The following NUP155 variants were observed in gnomAD, a reference collection of about 807,000 sequenced individuals.
NUP155 encodes nucleoporin 155.
A neutral mutation model predicts 180.4 loss-of-function variants in NUP155; 71 were observed. That is an observed-to-expected ratio of 0.39 (90% CI 0.33 to 0.48). NUP155 has a LOEUF of 0.48. Ranked by LOEUF, NUP155 falls within the 20% of genes least tolerant of loss-of-function variation. NUP155 has a pLI of 0.91. For missense variants in NUP155, 1,553 were observed against 1,648.9 expected (o/e 0.94, Z 1.01); for synonymous variants, 582 against 559.5 (o/e 1.04, Z -0.57).
chr5:37,362,931 G>A (rs1179102021), intron 3 of NUP155, among the ~76,000 whole-genome samples: 2 of 152,114 alleles, frequency 1.3e-5, no homozygotes, highest in Non-Finnish European at 2.9e-5. Context: ...TGTTGTTTCT[G>A]AGATGGAGTC....
At chr5:37,327,590 C>G in intron 18 of NUP155, 39 bp downstream of exon 18, 1 of 1,610,264 alleles carries the variant, frequency 6.2e-7, no homozygotes, top group Non-Finnish European at 8.5e-7. Flanking sequence ...CAAGATGGGA[C>G]AAGGTGAGCA....
intron 1 of NUP155, among the ~76,000 whole-genome samples, chr5:37,368,438 GC>G (rs1747748090): frequency 6.6e-6 from 1 of 151,664 alleles, no homozygotes; most frequent in Non-Finnish European, 1.5e-5. Context: ...TTGCCATATT[GC>G]CAAGACTGGT....
At chr5:37,351,020 G>A (rs1277210227) in intron 6 of NUP155, among the ~76,000 whole-genome samples, 170 bp downstream of exon 6, 3 of 152,084 alleles carry the variant, frequency 2.0e-5, no homozygotes, top group Non-Finnish European at 2.9e-5. Flanking sequence ...TCTGAGGGCT[G>A]AGTTTTGTAG....
intron 20 of NUP155, among the ~76,000 whole-genome samples, chr5:37,322,543 T>A (rs564700714): frequency 1.3e-5 from 2 of 152,018 alleles, no homozygotes; most frequent in Non-Finnish European, 2.9e-5. Context: ...CAGTCTCTAC[T>A]AAAAATACAA....
chr5:37,360,551 T>C (rs1356736353), intron 3 of NUP155, among the ~76,000 whole-genome samples: 2 of 148,960 alleles, frequency 1.3e-5, no homozygotes, highest in Non-Finnish European at 3.0e-5. Flanking sequence ...TTTGGGAGGC[T>C]GAGGTGGGCA....
intron 32 of NUP155, among the ~76,000 whole-genome samples, chr5:37,295,230 G>C (rs2150936041): frequency 6.6e-6 from 1 of 152,248 alleles, no homozygotes; most frequent in Non-Finnish European, 1.5e-5. Flanking sequence ...TATTTTTTGG[G>C]TGGAGACGGG....
At chr5:37,340,260 G>A (rs1421850966) in intron 11 of NUP155, among the ~76,000 whole-genome samples, 1 of 151,960 alleles carries the variant, frequency 6.6e-6, no homozygotes, top group African/African-American at 2.4e-5. Flanking sequence ...AGGCAACATG[G>A]CAAAAGCCTA....
chr5:37,309,340 T>C (rs894072525), intron 23 of NUP155, 73 bp from the exon 24 acceptor site: 60 of 1,234,562 alleles, frequency 4.9e-5, no homozygotes, highest in Non-Finnish European at 6.7e-5. Context: ...AACTAAGTTT[T>C]AGTCTATGTC....
At chr5:37,296,249 G>T (rs1742561789) in intron 32 of NUP155, among the ~76,000 whole-genome samples, 2 of 152,204 alleles carry the variant, frequency 1.3e-5, no homozygotes, top group South Asian at 4.1e-4. Context: ...GGAAAGGTGG[G>T]GAAAAGATTG....
chr5:37,297,553 A>AT (rs1417653481), intron 32 of NUP155, among the ~76,000 whole-genome samples: 1 of 147,796 alleles, frequency 6.8e-6, no homozygotes. Flanking sequence ...TAATTTTCCT[A>AT]TTTTTTTGTA....
intron 12 of NUP155, among the ~76,000 whole-genome samples, chr5:37,336,008 C>T (rs1745305891): frequency 6.6e-6 from 1 of 151,952 alleles, no homozygotes. Flanking sequence ...TAACACCTAA[C>T]CAATATAAAA....
chr5:37,333,585 C>T lies in NUP155; in HGVS notation c.1396G>A (p.Glu466Lys). Residue 466 changes from glutamate (E) to lysine (K), a missense_variant, in exon 13 of 35, where the codon GAA becomes AAA. Physicochemically the swap from Glu to Lys is moderately conservative, Grantham distance 56. Coordinates refer to ENST00000231498, the MANE Select transcript of NUP155 (RefSeq NM_153485.3). ...GHSWALSAID[E>K]LKVDKIITPL... ...GTAATTATTTTATCTACTTTCAATT[C>T]ATCTATCGCAGAAAGAGCCCAGGAA... 6.2e-7 allele frequency: 1 copy of T among 1,613,834 alleles called. No homozygotes were observed. The highest frequency in any genetic ancestry group is 8.5e-7 in the Non-Finnish European group (1 of 1,179,780).
Position 37,330,199 on chromosome 5 carries a change from G to C in NUP155, c.1630-67C>G, listed in dbSNP as rs951833558. On this transcript the variant is annotated intron_variant, in intron 14 of 34. Transcript: ENST00000231498. ...TTTTAAAATGATTTGTGTACTGCTA[G>C]ATGCAGTATTAAAGTCTGTATCTAG... 9 of 1,066,686 alleles carry C rather than the reference G, an allele frequency of 8.4e-6. No individual in the cohort carries two copies. In the East Asian group the frequency reaches 1.3e-4, roughly 15 times the overall value. The allele number at this position is 1,066,686 out of a possible 1,614,324, so 66.1% of individuals were successfully genotyped here.
chr5:37,346,411 C>T (rs140812629), intron 9 of NUP155, among the ~76,000 whole-genome samples: 1,556 of 152,302 alleles, frequency 0.01, 74 homozygotes, highest in Admixed American at 0.083. Context: ...GTGGCTCACG[C>T]CTGTAATCCC....
At chr5:37,351,497 G>T in intron 5 of NUP155, 141 bp from the exon 6 acceptor site, 1 of 603,486 alleles carries the variant, frequency 1.7e-6, no homozygotes, top group Non-Finnish European at 2.8e-6. Context: ...ACCCAGGCTG[G>T]GTGCAGTGGC....
At chr5:37,340,974 T>C (rs1745674707) in intron 11 of NUP155, 116 bp downstream of exon 11, 2 of 871,444 alleles carry the variant, frequency 2.3e-6, no homozygotes, top group South Asian at 1.5e-5. Flanking sequence ...CTGACCCTTC[T>C]AGTAGTTCCC....
At chr5:37,347,599 G>A (rs1308354592) in intron 9 of NUP155, among the ~76,000 whole-genome samples, 2 of 151,660 alleles carry the variant, frequency 1.3e-5, no homozygotes, top group Non-Finnish European at 2.9e-5. Flanking sequence ...AGGAGGCTAC[G>A]GCAGGAGAAT....
At chr5:37,340,034 C>T (rs943870585) in intron 11 of NUP155, among the ~76,000 whole-genome samples, 1 of 152,210 alleles carries the variant, frequency 6.6e-6, no homozygotes, top group African/African-American at 2.4e-5. Flanking sequence ...GTTGGGCTTA[C>T]AGGCGTGAGC....
At chr5:37,369,179 G>A (rs550964334) in intron 1 of NUP155, among the ~76,000 whole-genome samples, 4 of 152,048 alleles carry the variant, frequency 2.6e-5, no homozygotes, top group Non-Finnish European at 5.9e-5. Flanking sequence ...TTGAGCTCAT[G>A]AGTTAGAGGC....
Sources: gnomAD v4.1 joint callset for allele counts (sites outside exome capture counted in the v4.1 genomes callset) on GRCh38, gnomAD v4.1.1 for gene constraint, MANE v1.5 for transcripts, NCBI Gene and HGNC (gene_info 2026-07-23, HGNC 2026-07-21) for gene names.